B3GALT1: variants seen among roughly 807,000 people sequenced by gnomAD.
The protein encoded by B3GALT1 is UDP-Gal:betaGlcNAc beta 1,3-galactosyltransferase, polypeptide 1.
B3GALT1 carries 10 observed loss-of-function variants against 23.2 expected under a neutral mutation model. The ratio of observed to expected loss-of-function variants is 0.43; its 90% CI spans 0.27 to 0.73. The LOEUF is 0.73. B3GALT1 is among the 30% of genes least tolerant of loss of function. The probability of loss-of-function intolerance (pLI) is 0.21; values close to 1 mark genes in which losing one functional copy is unlikely to be tolerated. For synonymous variants in B3GALT1, 156 were observed against 141.5 expected (o/e 1.10, Z -0.73); for missense variants, 299 against 405.4 (o/e 0.74, Z 2.25).
intron 2 of B3GALT1, among the ~76,000 whole-genome samples, chr2:167,615,421 G>T (rs954743505): frequency 1.3e-5 from 2 of 151,852 alleles, no homozygotes; most frequent in Non-Finnish European, 1.5e-5. Flanking sequence ...GGGAGATATT[G>T]GTCAAAGGAT....
At chr2:167,532,155 G>A (rs1683336128) in intron 2 of B3GALT1, among the ~76,000 whole-genome samples, 1 of 151,880 alleles carries the variant, frequency 6.6e-6, no homozygotes, top group Non-Finnish European at 1.5e-5. Flanking sequence ...TCTTCTTTGG[G>A]GACTTGTGTC....
At chr2:167,803,583 G>A (rs959625003) in intron 3 of B3GALT1, among the ~76,000 whole-genome samples, 14 of 152,234 alleles carry the variant, frequency 9.2e-5, no homozygotes, top group African/African-American at 3.4e-4. Flanking sequence ...AAATATGCTG[G>A]TGCTGTGACT....
At chr2:167,473,051 AT>A (rs1323754210) in intron 1 of B3GALT1, among the ~76,000 whole-genome samples, 3 of 152,126 alleles carry the variant, frequency 2.0e-5, no homozygotes, top group Admixed American at 2.0e-4. Flanking sequence ...CACATTTTGT[AT>A]TCAGAAATCT....
rs1303265037 is a variant in B3GALT1, at chr2:167,671,564, AAAG to A, written c.-352+24605_-352+24607del. Among the ~76,000 whole-genome samples, 8 of 152,182 alleles carry A rather than the reference AAAG, an allele frequency of 5.3e-5. No individual in the cohort carries two copies. The East Asian group carries it at 9.6e-4, about 18-fold the overall frequency. On this transcript the variant is annotated intron_variant, in intron 3 of 4. Coordinates refer to ENST00000392690, the MANE Select transcript of B3GALT1 (RefSeq NM_020981.4). ...ACAACACACACCTAAACAATATGTC[AAAG>A]AAGAAGTCAAAAATGACATTTAAAA...
chr2:167,706,777 G>A (rs778358212), intron 3 of B3GALT1, among the ~76,000 whole-genome samples: 3 of 152,184 alleles, frequency 2.0e-5, no homozygotes, highest in Non-Finnish European at 4.4e-5. Flanking sequence ...ATTGCAGATT[G>A]TAACTTCCAA....
At chr2:167,650,685 ACT>A (rs1255955179) in intron 3 of B3GALT1, among the ~76,000 whole-genome samples, 1 of 151,794 alleles carries the variant, frequency 6.6e-6, no homozygotes, top group African/African-American at 2.4e-5. Context: ...TTGATTATTG[ACT>A]CAATCTCTTG....
intron 1 of B3GALT1, among the ~76,000 whole-genome samples, chr2:167,337,264 T>C (rs925939869): frequency 6.6e-6 from 1 of 152,132 alleles, no homozygotes; most frequent in Non-Finnish European, 1.5e-5. Context: ...TAAGGTAATA[T>C]GCTGTGAGGA....
chr2:167,869,428 TG>T lies in B3GALT1; in HGVS notation c.391del (p.Glu131SerfsTer27). The T allele has an allele frequency of 6.2e-7, 1 of 1,614,128 alleles. No individual in the cohort carries two copies. Among genetic ancestry groups the T allele is most frequent in the Non-Finnish European group, 8.5e-7 (1 of 1,180,016 alleles). Reference protein sequence around the residue: ...KNADPVLNQMVEQESQIFHDI... With the variant: ...KNADPVLNQMXEQESQIFHDI... The stretch of plus-strand genomic sequence containing the variant: ...GCTGATCCTGTTCTCAATCAGATGG[TG>T]GAGCAAGAGAGCCAAATCTTCCATG... On this transcript the variant is annotated frameshift_variant, in exon 5 of 5. Transcript: ENST00000392690. LOFTEE classifies it high-confidence loss of function. The surrounding 1 kb of genome is among the most constrained non-coding windows in gnomAD (Gnocchi z 6.4).
chr2:167,754,820 C>A (rs111818626), intron 3 of B3GALT1, among the ~76,000 whole-genome samples: 24 of 152,132 alleles, frequency 1.6e-4, no homozygotes, highest in African/African-American at 5.5e-4. Context: ...CTACTCAACA[C>A]CAAAAAACAA....
At chr2:167,661,072 C>T (rs1035947997) in intron 3 of B3GALT1, among the ~76,000 whole-genome samples, 5 of 152,084 alleles carry the variant, frequency 3.3e-5, no homozygotes, top group African/African-American at 4.8e-5. Flanking sequence ...GGATTTTCTT[C>T]GTTGTGCAAC....
intron 3 of B3GALT1, among the ~76,000 whole-genome samples, chr2:167,748,283 A>G (rs1400009490): frequency 6.6e-6 from 1 of 152,070 alleles, no homozygotes; most frequent in Non-Finnish European, 1.5e-5. Flanking sequence ...AGTTACTTTC[A>G]TGCAGATCAC....
At chr2:167,733,078 T>C (rs1020527856) in intron 3 of B3GALT1, among the ~76,000 whole-genome samples, 10 of 152,212 alleles carry the variant, frequency 6.6e-5, no homozygotes, top group African/African-American at 2.2e-4. Flanking sequence ...CGGGGGTTTA[T>C]CTGTGACCCC....
chr2:167,430,444 G>A (rs1324708203), intron 1 of B3GALT1, among the ~76,000 whole-genome samples: 1 of 152,186 alleles, frequency 6.6e-6, no homozygotes, highest in Non-Finnish European at 1.5e-5. Flanking sequence ...TAATTTTTCA[G>A]TTGAGAACTG....
Position 167,357,997 on chromosome 2 carries a change from A to T in B3GALT1, c.-511+64663A>T, listed in dbSNP as rs796291460. On this transcript the variant is annotated intron_variant, in intron 1 of 4. Transcript: ENST00000392690. ...TATTTGAATATATCTTCACAATTTG[A>T]GTATTTTGGATAGGATTTCAAATAT... Among the ~76,000 whole-genome samples, 47 of 152,324 alleles carry T rather than the reference A, an allele frequency of 3.1e-4. 1 individual carries two copies. Among genetic ancestry groups the T allele is most frequent in the African/African-American group, 1.1e-3 (46 of 41,586 alleles).
chr2:167,624,289 A>T (rs2105441869), intron 2 of B3GALT1, among the ~76,000 whole-genome samples: 1 of 152,150 alleles, frequency 6.6e-6, no homozygotes, highest in Non-Finnish European at 1.5e-5. Context: ...AGACCCCCGG[A>T]GATTGAAATC....
chr2:167,549,815 T>G (rs972391984), intron 2 of B3GALT1, among the ~76,000 whole-genome samples: 12 of 152,226 alleles, frequency 7.9e-5, no homozygotes, highest in African/African-American at 1.9e-4. Flanking sequence ...GTAATTTTAT[T>G]TTTATTTTTC....
intron 1 of B3GALT1, among the ~76,000 whole-genome samples, chr2:167,357,911 CAT>C (rs1474643056): frequency 1.3e-5 from 2 of 152,102 alleles, no homozygotes; most frequent in Non-Finnish European, 2.9e-5. Context: ...TTGCAGAAAT[CAT>C]AGGATATCAA....
At chr2:167,798,864 C>A (rs946265068) in intron 3 of B3GALT1, among the ~76,000 whole-genome samples, 1 of 152,100 alleles carries the variant, frequency 6.6e-6, no homozygotes, top group African/African-American at 2.4e-5. Flanking sequence ...ATCGTTATAC[C>A]ACTAAATTAC....
At chr2:167,782,759 T>G (rs1274051552) in intron 3 of B3GALT1, among the ~76,000 whole-genome samples, 1 of 152,214 alleles carries the variant, frequency 6.6e-6, no homozygotes, top group Non-Finnish European at 1.5e-5. Context: ...TAAACATGAT[T>G]TCTAAAAACC....
Sources: gnomAD v4.1 joint callset for allele counts (sites outside exome capture counted in the v4.1 genomes callset) on GRCh38, gnomAD v4.1.1 for gene constraint, Gnocchi (gnomAD v3.1) non-coding constraint, MANE v1.5 for transcripts, NCBI Gene and HGNC (gene_info 2026-07-23, HGNC 2026-07-21) for gene names.